Variants in HPSE2 observed in about 807,000 individuals in gnomAD.
The protein encoded by HPSE2 is heparanase 2 (inactive), also known as inactive heparanase-2.
A neutral mutation model predicts 60.5 loss-of-function variants in HPSE2; 38 were observed. The ratio of observed to expected loss-of-function variants is 0.63; its 90% CI spans 0.48 to 0.82. The LOEUF is 0.82. Among genes scored for constraint, HPSE2 ranks in the 40% least tolerant of loss-of-function variants. The probability of loss-of-function intolerance (pLI) is 0.00; values close to 1 mark genes in which losing one functional copy is unlikely to be tolerated. For missense variants in HPSE2, 713 were observed against 740.4 expected, an observed-to-expected ratio of 0.96 and a Z score of 0.43; for synonymous variants, 295 against 293.2, an observed-to-expected ratio of 1.01 and a Z score of -0.06.
At chr10:98,895,752 G>GC (rs1790505615) in intron 3 of HPSE2, among the ~76,000 whole-genome samples, 1 of 150,998 alleles carries the variant, frequency 6.6e-6, no homozygotes, top group Non-Finnish European at 1.5e-5. Context: ...ATACTATGCA[G>GC]CCATAAAAAA....
intron 3 of HPSE2, among the ~76,000 whole-genome samples, chr10:99,011,478 C>T (rs910961425): frequency 6.6e-6 from 1 of 151,880 alleles, no homozygotes; most frequent in African/African-American, 2.4e-5. Context: ...GATATACAGG[C>T]TGGGCGTGGT....
the HPSE2 span, among the ~76,000 whole-genome samples, chr10:99,304,437 G>A: frequency 6.6e-6 from 1 of 152,252 alleles, no homozygotes; most frequent in South Asian, 2.1e-4. Context: ...TCACAGAGCT[G>A]TAACACTGCT....
intron 3 of HPSE2, among the ~76,000 whole-genome samples, chr10:98,791,575 CTCTTAAA>C (rs1950655684): frequency 6.6e-6 from 1 of 152,140 alleles, no homozygotes; most frequent in African/African-American, 2.4e-5. Context: ...ACCAAAATAC[CTCTTAAA>C]CGGCAATTGC....
intron 3 of HPSE2, among the ~76,000 whole-genome samples, chr10:98,811,125 C>T (rs890677639): frequency 1.3e-5 from 2 of 152,148 alleles, no homozygotes; most frequent in Admixed American, 1.3e-4. Context: ...TAGGACCTGT[C>T]CATAGGTAGT....
At chr10:98,826,851 A>C (rs1951560281) in intron 3 of HPSE2, among the ~76,000 whole-genome samples, 2 of 152,164 alleles carry the variant, frequency 1.3e-5, no homozygotes, top group South Asian at 4.1e-4. Flanking sequence ...CACTGCACAA[A>C]TTGAACACTT....
chr10:98,612,375 C>T (rs751850241), intron 9 of HPSE2, among the ~76,000 whole-genome samples: 19 of 152,220 alleles, frequency 1.2e-4, no homozygotes, highest in African/African-American at 4.6e-4. Context: ...ACCTTAGTTT[C>T]TCTTTAGCAA....
intron 3 of HPSE2, among the ~76,000 whole-genome samples, chr10:98,947,907 T>A (rs912843194): frequency 1.3e-5 from 2 of 152,138 alleles, no homozygotes; most frequent in East Asian, 3.8e-4. Context: ...TAAAGTTCTT[T>A]TGATATTAAA....
chr10:98,462,628 C>T (rs1212444133), intron 11 of HPSE2, among the ~76,000 whole-genome samples: 3 of 152,216 alleles, frequency 2.0e-5, no homozygotes, highest in Non-Finnish European at 4.4e-5. Context: ...CTCTGTTTTC[C>T]TCCATTTCTG....
chr10:98,951,476 G>A (rs1252051860), intron 3 of HPSE2, among the ~76,000 whole-genome samples: 2 of 152,064 alleles, frequency 1.3e-5, no homozygotes, highest in Non-Finnish European at 2.9e-5. Context: ...CCAGGGAAGT[G>A]ACAAAAAAAT....
At chr10:98,771,231 A>G (rs1372682882) in intron 3 of HPSE2, among the ~76,000 whole-genome samples, 1 of 152,218 alleles carries the variant, frequency 6.6e-6, no homozygotes, top group Non-Finnish European at 1.5e-5. Context: ...TGATGGAGTT[A>G]TAGGGATTCA....
chr10:98,544,841 C>A (rs1393192548), intron 9 of HPSE2, among the ~76,000 whole-genome samples: 1 of 151,506 alleles, frequency 6.6e-6, no homozygotes, highest in Non-Finnish European at 1.5e-5. Context: ...ACAAAAAACC[C>A]TCAAAAAATC....
intron 3 of HPSE2, among the ~76,000 whole-genome samples, chr10:99,002,442 G>C (rs1443163408): frequency 2.0e-5 from 3 of 152,032 alleles, no homozygotes; most frequent in African/African-American, 7.2e-5. Flanking sequence ...AGGTGATAAA[G>C]GCCAACATGA....
At chr10:98,464,663 A>C (rs956563856) in intron 11 of HPSE2, among the ~76,000 whole-genome samples, 1 of 152,232 alleles carries the variant, frequency 6.6e-6, no homozygotes. Flanking sequence ...CTTGGCACAG[A>C]GTAGGGGCTA....
chr10:98,555,177 T>C (rs1943969916), intron 9 of HPSE2, among the ~76,000 whole-genome samples: 1 of 152,240 alleles, frequency 6.6e-6, no homozygotes, highest in African/African-American at 2.4e-5. Context: ...GGGGAAGTTA[T>C]GCCCCCTCTT....
At chr10:98,618,044 T>TC (rs1395857125) in intron 8 of HPSE2, among the ~76,000 whole-genome samples, 18 of 150,454 alleles carry the variant, frequency 1.2e-4, no homozygotes, top group African/African-American at 3.7e-4. Context: ...GCTCCCCTAC[T>TC]CCCCCCCGCC....
chr10:98,466,706 A>T (rs1940552513), intron 11 of HPSE2, among the ~76,000 whole-genome samples: 2 of 152,008 alleles, frequency 1.3e-5, no homozygotes, highest in South Asian at 4.2e-4. Context: ...CTGTAAGGTG[A>T]GGGGTGATAG....
chr10:98,897,448 A>G (rs1207354016), intron 3 of HPSE2, among the ~76,000 whole-genome samples: 3 of 152,182 alleles, frequency 2.0e-5, no homozygotes, highest in Non-Finnish European at 4.4e-5. Context: ...CTACAATAAA[A>G]CAGCATAAGG....
chr10:98,493,208 A>C (rs769042148), intron 9 of HPSE2, among the ~76,000 whole-genome samples: 13 of 152,222 alleles, frequency 8.5e-5, no homozygotes, highest in Non-Finnish European at 1.2e-4. Context: ...TTTGAACTTA[A>C]TTTGCAGCCT....
At chr10:99,097,167 A>G (rs916635231) in intron 3 of HPSE2, among the ~76,000 whole-genome samples, 10 of 152,172 alleles carry the variant, frequency 6.6e-5, no homozygotes, top group Non-Finnish European at 1.3e-4. Context: ...ATACTTGAAC[A>G]CTAATTCAGA....
Sources: allele counts gnomAD v4.1 joint callset (sites outside exome capture counted in the v4.1 genomes callset), GRCh38; gene constraint gnomAD v4.1.1; transcripts MANE v1.5; gene names NCBI Gene and HGNC (gene_info 2026-07-23, HGNC 2026-07-21).